Variants in FLVCR2 observed in about 807,000 individuals in gnomAD.
The protein encoded by FLVCR2 is FLVCR choline and putative heme transporter 2.
Under a neutral mutation model 48.9 loss-of-function variants are expected in FLVCR2, and 38 were observed. The ratio of observed to expected loss-of-function variants is 0.78; its 90% CI spans 0.60 to 1.02. The LOEUF (loss-of-function observed/expected upper bound fraction) is 1.02. FLVCR2 is among the 50% of genes least tolerant of loss of function. The probability of loss-of-function intolerance (pLI) is 0.00; values close to 1 mark genes in which losing one functional copy is unlikely to be tolerated. For missense variants in FLVCR2, 664 were observed against 663.3 expected (o/e 1.00, Z -0.01); for synonymous variants, 255 against 257.0 (o/e 0.99, Z 0.07).
chr14:75,607,873 G>C (rs1889334615), intron 1 of FLVCR2, among the ~76,000 whole-genome samples: 2 of 152,114 alleles, frequency 1.3e-5, no homozygotes, highest in Admixed American at 1.3e-4. Flanking sequence ...AGGAGTTTAA[G>C]GCCAGTCTTC....
intron 1 of FLVCR2, among the ~76,000 whole-genome samples, chr14:75,617,603 T>C (rs1889648949): frequency 6.6e-6 from 1 of 152,200 alleles, no homozygotes; most frequent in South Asian, 2.1e-4. Flanking sequence ...CCTTCCTGCA[T>C]CTCAGCTTCA....
chr14:75,640,889 G>C, intron 6 of FLVCR2, 66 bp from the exon 7 acceptor site: 2 of 1,109,980 alleles, frequency 1.8e-6, no homozygotes, highest in Non-Finnish European at 2.8e-6. Flanking sequence ...AGGGGAGGAG[G>C]TGGGCTCCCC....
intron 1 of FLVCR2, among the ~76,000 whole-genome samples, chr14:75,619,679 G>T (rs1339708905): frequency 1.3e-5 from 2 of 152,228 alleles, no homozygotes; most frequent in African/African-American, 4.8e-5. Flanking sequence ...GGGCATAAAT[G>T]TACCTCCATA....
At chr14:75,630,232 C>G (rs886397405) in intron 3 of FLVCR2, among the ~76,000 whole-genome samples, 1 of 152,184 alleles carries the variant, frequency 6.6e-6, no homozygotes, top group African/African-American at 2.4e-5. Flanking sequence ...CCAGATAATT[C>G]TGACTTGCAG....
At chr14:75,589,122 A>G (rs114552233) in intron 1 of FLVCR2, among the ~76,000 whole-genome samples, 1,699 of 152,176 alleles carry the variant, frequency 0.011, 28 homozygotes, top group African/African-American at 0.038. Context: ...AGGCTGAGGT[A>G]CAAGGATCGC....
At chr14:75,612,034 T>C (rs1229285036) in intron 1 of FLVCR2, among the ~76,000 whole-genome samples, 1 of 152,186 alleles carries the variant, frequency 6.6e-6, no homozygotes. Flanking sequence ...GGCAAGCTAC[T>C]TAAATGCCAA....
chr14:75,631,039 G>A (rs2140045445), intron 3 of FLVCR2, among the ~76,000 whole-genome samples: 1 of 152,302 alleles, frequency 6.6e-6, no homozygotes, highest in African/African-American at 2.4e-5. Context: ...GGTTAACTGT[G>A]TCTGGCAAAC....
intron 1 of FLVCR2, among the ~76,000 whole-genome samples, chr14:75,589,996 A>G (rs1888843907): frequency 6.6e-6 from 1 of 152,186 alleles, no homozygotes; most frequent in Admixed American, 6.5e-5. Flanking sequence ...AATGCCCGAG[A>G]CTGAGTAACT....
chr14:75,591,465 T>C (rs1198712285), intron 1 of FLVCR2, among the ~76,000 whole-genome samples: 1 of 152,264 alleles, frequency 6.6e-6, no homozygotes, highest in Non-Finnish European at 1.5e-5. Context: ...CCCCATGGCT[T>C]TGCTGGACAT....
intron 1 of FLVCR2, among the ~76,000 whole-genome samples, chr14:75,583,527 T>C (rs1888663907): frequency 6.6e-6 from 1 of 151,404 alleles, no homozygotes; most frequent in Non-Finnish European, 1.5e-5. Flanking sequence ...TGGGTTAAGG[T>C]GGGGGGATAC....
chr14:75,583,353 A>C (rs1888659413), intron 1 of FLVCR2, among the ~76,000 whole-genome samples: 1 of 152,220 alleles, frequency 6.6e-6, no homozygotes, highest in Non-Finnish European at 1.5e-5. Context: ...AGGCTTTAAA[A>C]GGCCATGCTG....
At chr14:75,593,372 G>A (rs1447368944) in intron 1 of FLVCR2, among the ~76,000 whole-genome samples, 4 of 152,182 alleles carry the variant, frequency 2.6e-5, no homozygotes, top group African/African-American at 4.8e-5. Flanking sequence ...ATTCAAGGGC[G>A]TGCCTGCAGC....
chr14:75,612,030 C>G (rs1329577139), intron 1 of FLVCR2, among the ~76,000 whole-genome samples: 1 of 152,096 alleles, frequency 6.6e-6, no homozygotes, highest in African/African-American at 2.4e-5. Flanking sequence ...CTTGGGCAAG[C>G]TACTTAAATG....
At chr14:75,632,343 A>G (rs1890066581) in intron 3 of FLVCR2, among the ~76,000 whole-genome samples, 1 of 152,212 alleles carries the variant, frequency 6.6e-6, no homozygotes. Context: ...TGCTTATGAT[A>G]AAAATGTCCT....
At position 75,578,758 on chromosome 14, in the gene FLVCR2, C is replaced by T. The variant is rs1888515781; in HGVS notation, c.-215C>T. On this transcript the variant is annotated 5_prime_UTR_variant, in exon 1 of 10. Coordinates refer to ENST00000238667, the MANE Select transcript of FLVCR2 (RefSeq NM_017791.3). ...GCCGGCCTTGGGACAGCGATCGCCG[C>T]GGGTGGCAACAGAGAGCCCCAAGCA... The T allele has an allele frequency of 3.3e-6, 2 of 606,102 alleles. No homozygotes were observed. Among genetic ancestry groups the T allele is most frequent in the East Asian group, 5.6e-5 (2 of 36,024 alleles). The allele number at this position is 606,102 out of a possible 1,614,324, so 37.5% of individuals were successfully genotyped here.
intron 3 of FLVCR2, among the ~76,000 whole-genome samples, chr14:75,628,064 C>A (rs904156603): frequency 1.3e-5 from 2 of 152,306 alleles, no homozygotes; most frequent in Admixed American, 6.5e-5. Context: ...AACTGTTAAT[C>A]TTTGCTTTCT....
chr14:75,616,944 C>G (rs1005070862), intron 1 of FLVCR2, among the ~76,000 whole-genome samples: 3 of 152,324 alleles, frequency 2.0e-5, no homozygotes, highest in East Asian at 1.9e-4. Context: ...TTTGGGGAAG[C>G]TCTTGGATCC....
intron 1 of FLVCR2, among the ~76,000 whole-genome samples, chr14:75,618,746 G>A (rs1030275018): frequency 2.6e-5 from 4 of 152,200 alleles, no homozygotes; most frequent in South Asian, 2.1e-4. Context: ...GTAGACTTCC[G>A]TGTTGACTAG....
chr14:75,618,074 C>T (rs558601889), intron 1 of FLVCR2, among the ~76,000 whole-genome samples: 1 of 152,158 alleles, frequency 6.6e-6, no homozygotes, highest in African/African-American at 2.4e-5. Context: ...ATGTGCAGAA[C>T]CTTGTGGGCT....
Sources: allele counts gnomAD v4.1 joint callset (sites outside exome capture counted in the v4.1 genomes callset), GRCh38; gene constraint gnomAD v4.1.1; transcripts MANE v1.5; gene names NCBI Gene and HGNC (gene_info 2026-07-23, HGNC 2026-07-21).